Variants in SHQ1 observed in about 807,000 individuals in gnomAD.
SHQ1 encodes SHQ1, H/ACA ribonucleoprotein assembly factor.
In SHQ1, 49 loss-of-function variants were observed where a neutral mutation model predicts 53.8. That is an observed-to-expected ratio of 0.91 (90% CI 0.72 to 1.16). SHQ1 has a LOEUF of 1.16. SHQ1 is among the 50% of genes most tolerant of loss of function. SHQ1 has a pLI of 0.00. For missense variants in SHQ1, 738 were observed against 683.1 expected, an observed-to-expected ratio of 1.08 and a Z score of -0.90; for synonymous variants, 243 against 251.0, an observed-to-expected ratio of 0.97 and a Z score of 0.30.
intron 10 of SHQ1, among the ~76,000 whole-genome samples, chr3:72,760,416 C>T (rs1319134527): frequency 6.6e-6 from 1 of 152,206 alleles, no homozygotes; most frequent in Non-Finnish European, 1.5e-5. Flanking sequence ...GAAAGGACTT[C>T]CTGCATGACA....
intron 10 of SHQ1, among the ~76,000 whole-genome samples, chr3:72,774,133 A>T (rs1342367400): frequency 6.6e-6 from 1 of 152,254 alleles, no homozygotes; most frequent in Non-Finnish European, 1.5e-5. Flanking sequence ...TAACCTACCA[A>T]GAAGATATAA....
At chr3:72,846,222 C>T in intron 1 of SHQ1, 2 of 1,535,702 alleles carry the variant, frequency 1.3e-6, no homozygotes, top group Non-Finnish European at 8.7e-7. Context: ...TACATGGGGC[C>T]TCCGCAGCTA....
the SHQ1 span, among the ~76,000 whole-genome samples, chr3:72,733,025 G>C: frequency 2.0e-3 from 299 of 151,782 alleles, 6 homozygotes; most frequent in African/African-American, 6.6e-3. Context: ...ATGGGTGGGG[G>C]TGCTGAGCAG....
chr3:72,753,480 C>G (rs77839317), intron 10 of SHQ1: 31,201 of 985,294 alleles, frequency 0.032, 577 homozygotes, highest in Non-Finnish European at 0.034. Flanking sequence ...CCCCACCCCC[C>G]ACAACCCCTG....
At chr3:72,759,829 A>C (rs1170496458) in intron 10 of SHQ1, among the ~76,000 whole-genome samples, 1 of 152,274 alleles carries the variant, frequency 6.6e-6, no homozygotes, top group Non-Finnish European at 1.5e-5. Flanking sequence ...CAAAAACAGC[A>C]AAGAATGAAC....
chr3:72,753,080 C>CA (rs1705423593), intron 10 of SHQ1: 11 of 985,282 alleles, frequency 1.1e-5, no homozygotes, highest in Non-Finnish European at 1.2e-5. Context: ...CTAAAAGAAC[C>CA]AACATGACAC....
At chr3:72,772,535 T>A in intron 10 of SHQ1, 1 of 656,926 alleles carries the variant, frequency 1.5e-6, no homozygotes, top group African/African-American at 1.8e-5. Flanking sequence ...GTACACAACC[T>A]AAGCTTTAGA....
chr3:72,822,771 A>G (rs2106892479), intron 6 of SHQ1, among the ~76,000 whole-genome samples: 1 of 152,332 alleles, frequency 6.6e-6, no homozygotes, highest in East Asian at 1.9e-4. Flanking sequence ...GTCTATATAT[A>G]CATAATGTGA....
At chr3:72,827,993 G>A (rs1707711367) in intron 5 of SHQ1, among the ~76,000 whole-genome samples, 1 of 151,812 alleles carries the variant, frequency 6.6e-6, no homozygotes, top group African/African-American at 2.4e-5. Context: ...CTGACCTCAT[G>A]ACCCACCCCC....
chr3:72,750,177 C>T lies in SHQ1; in HGVS notation c.*107G>A. 1.0e-6 allele frequency: 1 copy of T among 957,050 alleles called. No individual in the cohort carries two copies. The highest frequency in any genetic ancestry group is 1.6e-5 in the South Asian group (1 of 61,572). The allele number at this position is 957,050 out of a possible 1,614,324, so 59.3% of individuals were successfully genotyped here. On this transcript the variant is annotated 3_prime_UTR_variant, in exon 11 of 11. Transcript: ENST00000325599. The stretch of plus-strand genomic sequence containing the variant: ...ATGTGGAACACACAAATACAGTGGG[C>T]TGACTATATACTAAGAAAAATTACA...
intron 5 of SHQ1, among the ~76,000 whole-genome samples, chr3:72,831,109 T>C (rs188178822): frequency 2.4e-4 from 37 of 152,330 alleles, no homozygotes; most frequent in Admixed American, 2.0e-3. Context: ...AAAACCACAA[T>C]TGGAGAGATA....
At chr3:72,843,010 G>C (rs1575742675) in intron 2 of SHQ1, among the ~76,000 whole-genome samples, 1 of 151,760 alleles carries the variant, frequency 6.6e-6, no homozygotes, top group African/African-American at 2.4e-5. Context: ...CCAGGAGGAA[G>C]AGGTTGCTGT....
At chr3:72,808,725 T>C (rs1707030606) in intron 9 of SHQ1, among the ~76,000 whole-genome samples, 1 of 152,098 alleles carries the variant, frequency 6.6e-6, no homozygotes, top group African/African-American at 2.4e-5. Flanking sequence ...TCAGTGGCAA[T>C]AATGGCATCC....
chr3:72,782,745 T>C (rs947737384), intron 10 of SHQ1, among the ~76,000 whole-genome samples: 5 of 152,230 alleles, frequency 3.3e-5, no homozygotes, highest in Admixed American at 2.6e-4. Context: ...TGTCAGCTTT[T>C]TTAAAAAGCT....
chr3:72,771,291 G>T (rs1385605356), intron 10 of SHQ1, among the ~76,000 whole-genome samples: 1 of 152,184 alleles, frequency 6.6e-6, no homozygotes, highest in African/African-American at 2.4e-5. Context: ...TATAAACAGT[G>T]TTACAAAGGT....
intron 4 of SHQ1, 53 bp from the exon 5 acceptor site, chr3:72,832,534 TAA>T: frequency 9.2e-6 from 12 of 1,309,780 alleles, no homozygotes; most frequent in Non-Finnish European, 1.2e-5. Context: ...TTTTAGCATT[TAA>T]AACTCAAATT....
chr3:72,765,246 G>C (rs1705693789), intron 10 of SHQ1, among the ~76,000 whole-genome samples: 1 of 151,920 alleles, frequency 6.6e-6, no homozygotes, highest in South Asian at 2.1e-4. Context: ...CAGGGACCTT[G>C]CCTGAAGTTA....
chr3:72,821,754 G>C (rs1438873966), intron 6 of SHQ1, among the ~76,000 whole-genome samples: 1 of 152,212 alleles, frequency 6.6e-6, no homozygotes, highest in African/African-American at 2.4e-5. Flanking sequence ...AAAAGGTACA[G>C]CAGCATGCAC....
chr3:72,757,854 A>G (rs1011019446), intron 10 of SHQ1, among the ~76,000 whole-genome samples: 1 of 152,216 alleles, frequency 6.6e-6, no homozygotes, highest in Non-Finnish European at 1.5e-5. Context: ...GGAGATGATC[A>G]GGAAAAACAA....
Sources: gnomAD v4.1 joint callset for allele counts (sites outside exome capture counted in the v4.1 genomes callset) on GRCh38, gnomAD v4.1.1 for gene constraint, MANE v1.5 for transcripts, NCBI Gene and HGNC (gene_info 2026-07-23, HGNC 2026-07-21) for gene names.